Variants in MFSD6 observed in about 807,000 individuals in gnomAD.
MFSD6 encodes the protein major facilitator superfamily domain containing 6, also known as major facilitator superfamily domain-containing protein 6.
MFSD6 carries 26 observed loss-of-function variants against 56.3 expected under a neutral mutation model. The observed-to-expected ratio is 0.46, with a 90% confidence interval of 0.34 to 0.64. The LOEUF (loss-of-function observed/expected upper bound fraction) is 0.64, where lower values mean the gene tolerates loss of function less well. Ranked by LOEUF, MFSD6 falls within the 30% of genes least tolerant of loss-of-function variation. MFSD6 has a pLI of 0.01. For missense variants in MFSD6, 750 were observed against 986.2 expected (o/e 0.76, Z 3.21); for synonymous variants, 331 against 366.9 (o/e 0.90, Z 1.12).
chr2:190,492,008 C>T lies in MFSD6; in HGVS notation c.1891+2142C>T, dbSNP rs1689388988. 6.6e-6 allele frequency among the ~76,000 whole-genome samples: 1 copy of T among 152,106 alleles called. No homozygotes were observed. The highest frequency in any genetic ancestry group is 1.5e-5 in the Non-Finnish European group (1 of 68,006). On this transcript the variant is annotated intron_variant, in intron 6 of 7. Transcript: ENST00000392328. The surrounding 1 kb of genome is among the most constrained non-coding windows in gnomAD (Gnocchi z 5.2). ...AATAAAGGACACACTTACAGAAATG[C>T]AAAATGTTCTGGAAAGTCTCAGCAA...
rs1689794153 is a variant in MFSD6 at position 190,497,857 on chromosome 2, A to G, written c.2172+138A>G. On this transcript the variant is annotated intron_variant, in intron 7 of 7. Transcript: ENST00000392328. The surrounding 1 kb of genome is among the most constrained non-coding windows in gnomAD (Gnocchi z 5.2). ...GGGAAATAGACATGCAAACAATTTC[A>G]GTACTCTGTGAGCACTGAGTTAAAG... 2 of 1,018,578 alleles carry G rather than the reference A, an allele frequency of 2.0e-6. No homozygotes were observed. Among genetic ancestry groups the G allele is most frequent in the Non-Finnish European group, 2.8e-6 (2 of 706,194 alleles). 63.1% of individuals were successfully genotyped at this position (1,018,578 alleles called of 1,614,324 possible). A position where few individuals can be genotyped will look rare whatever the true frequency, so the allele number is the denominator to read the frequency against.
At chr2:190,476,744 C>G (rs192008626) in intron 4 of MFSD6, among the ~76,000 whole-genome samples, 24 of 152,206 alleles carry the variant, frequency 1.6e-4, no homozygotes, top group African/African-American at 5.3e-4. Context: ...GCTATAAAGA[C>G]ACATGCACAC....
chr2:190,477,871 A>G (rs1203267766), intron 4 of MFSD6, among the ~76,000 whole-genome samples: 1 of 152,164 alleles, frequency 6.6e-6, no homozygotes, highest in Non-Finnish European at 1.5e-5. Flanking sequence ...ATTCCCTACA[A>G]AAATCACATA....
intron 3 of MFSD6, among the ~76,000 whole-genome samples, chr2:190,455,596 G>A (rs562209804): frequency 4.6e-5 from 7 of 152,174 alleles, no homozygotes; most frequent in Admixed American, 2.0e-4. Context: ...TAATAACAAC[G>A]CTTATCCTTC....
chr2:190,448,297 A>G (rs1686655530), intron 3 of MFSD6, among the ~76,000 whole-genome samples: 1 of 152,198 alleles, frequency 6.6e-6, no homozygotes, highest in South Asian at 2.1e-4. Flanking sequence ...TAAAAATTAC[A>G]TTTTTTAGAT....
chr2:190,413,922 C>A lies in MFSD6; in HGVS notation c.-175-1370C>A, dbSNP rs1051197677. 6.6e-6 allele frequency among the ~76,000 whole-genome samples: 1 copy of A among 152,116 alleles called. No individual in the cohort carries two copies. Among genetic ancestry groups the A allele is most frequent in the African/African-American group, 2.4e-5 (1 of 41,400 alleles). Reference sequence around the variant, plus strand: ...GGCAGGAGTGGGTCCCTGTGAGTCACGCTGGGAATTCTTAACTGTTCAGGG... The same window carrying A: ...GGCAGGAGTGGGTCCCTGTGAGTCAAGCTGGGAATTCTTAACTGTTCAGGG... On this transcript the variant is annotated intron_variant, in intron 1 of 7. Coordinates refer to ENST00000392328, the MANE Select transcript of MFSD6 (RefSeq NM_017694.4). This position sits in a 1 kb window ranked among gnomAD's most constrained non-coding sequence, Gnocchi z 4.1.
chr2:190,469,939 C>T lies in MFSD6; in HGVS notation c.1630+84C>T. Reference sequence around the variant, plus strand: ...GCCCAGTGGCCTTCAGCATCTGATTCTATAAAGGAAGGGCAGGCCTACTGT... The same window carrying T: ...GCCCAGTGGCCTTCAGCATCTGATTTTATAAAGGAAGGGCAGGCCTACTGT... On this transcript the variant is annotated intron_variant, in intron 4 of 7. Coordinates refer to ENST00000392328, the MANE Select transcript of MFSD6 (RefSeq NM_017694.4). The surrounding 1 kb of genome is among the most constrained non-coding windows in gnomAD (Gnocchi z 5.3). 1 of 944,840 alleles carries T rather than the reference C, an allele frequency of 1.1e-6. No homozygotes were observed. The highest frequency in any genetic ancestry group is 1.6e-6 in the Non-Finnish European group (1 of 610,768). 58.5% of individuals were successfully genotyped at this position (944,840 alleles called of 1,614,324 possible). A position where few individuals can be genotyped will look rare whatever the true frequency, so the allele number is the denominator to read the frequency against.
At chr2:190,422,158 A>G (rs1685640823) in intron 2 of MFSD6, among the ~76,000 whole-genome samples, 1 of 152,028 alleles carries the variant, frequency 6.6e-6, no homozygotes, top group Admixed American at 6.6e-5. Flanking sequence ...CTTTCTCTGT[A>G]TTTATCAGTT....
intron 4 of MFSD6, among the ~76,000 whole-genome samples, chr2:190,483,143 C>T (rs998897825): frequency 4.0e-5 from 6 of 151,698 alleles, no homozygotes; most frequent in Admixed American, 1.3e-4. Context: ...CCACCCGCCT[C>T]GGCCTCCCAA....
At chr2:190,411,160 A>T (rs200670528) in intron 1 of MFSD6, 37 of 519,358 alleles carry the variant, frequency 7.1e-5, no homozygotes, top group African/African-American at 9.0e-5. Context: ...TGTTGACAGT[A>T]GTTTTTTTTT....
At position 190,458,880 on chromosome 2, in the gene MFSD6, T is replaced by C. The variant is rs945760253; in HGVS notation, c.1533-10878T>C. Among the ~76,000 whole-genome samples the C allele has an allele frequency of 6.6e-6, 1 of 152,190 alleles. No homozygotes were observed. Among genetic ancestry groups the C allele is most frequent in the Non-Finnish European group, 1.5e-5 (1 of 68,032 alleles). On this transcript the variant is annotated intron_variant, in intron 3 of 7. Transcript: ENST00000392328. The surrounding 1 kb of genome is among the most constrained non-coding windows in gnomAD (Gnocchi z 5.3). ...GTCTCCTTTTGGGCAGGCTTACTCA[T>C]AAGGCCTGCGCCAGAGGTCCCAGGC...
At chr2:190,428,597 TA>T (rs1685856286) in intron 2 of MFSD6, among the ~76,000 whole-genome samples, 1 of 152,244 alleles carries the variant, frequency 6.6e-6, no homozygotes, top group African/African-American at 2.4e-5. Flanking sequence ...TCAAAAATGC[TA>T]CAATGTGCAT....
At chr2:190,408,903 C>T (rs1690434491) in intron 1 of MFSD6, among the ~76,000 whole-genome samples, 1 of 152,130 alleles carries the variant, frequency 6.6e-6, no homozygotes, top group Non-Finnish European at 1.5e-5. Flanking sequence ...GGGTGAGCGC[C>T]GATGCCCGGG....
chr2:190,430,817 C>T (rs1246524721), intron 2 of MFSD6, among the ~76,000 whole-genome samples: 63 of 145,344 alleles, frequency 4.3e-4, no homozygotes, highest in African/African-American at 1.4e-3. Flanking sequence ...ACCTCCCTCC[C>T]GGACGGGGCG....
At chr2:190,452,405 A>T (rs1353732663) in intron 3 of MFSD6, among the ~76,000 whole-genome samples, 1 of 152,236 alleles carries the variant, frequency 6.6e-6, no homozygotes, top group East Asian at 1.9e-4. Flanking sequence ...ATCGTGCTAA[A>T]TGCTTTTCCT....
intron 4 of MFSD6, among the ~76,000 whole-genome samples, chr2:190,480,051 T>C (rs1389363339): frequency 6.6e-6 from 1 of 152,188 alleles, no homozygotes; most frequent in Non-Finnish European, 1.5e-5. Context: ...TGGTCCCAGC[T>C]ACTGGGGAGG....
chr2:190,484,959 CTGAGT>C (rs1291419328), intron 4 of MFSD6, among the ~76,000 whole-genome samples: 1 of 152,036 alleles, frequency 6.6e-6, no homozygotes, highest in Non-Finnish European at 1.5e-5. Context: ...ACTTAATTCC[CTGAGT>C]TAATTTAAAG....
rs10665730 is a variant in MFSD6 at position 190,450,488 on chromosome 2, C to CTTTTTTTTT, written c.1532+12940_1532+12948dup. On this transcript the variant is annotated intron_variant, in intron 3 of 7. Coordinates refer to ENST00000392328, the MANE Select transcript of MFSD6 (RefSeq NM_017694.4). ...CTAACTTTTTCTTTTTCTCTTTTTC[C>CTTTTTTTTT]TTTTTTTTTTTTTTTTTTTTTGAGA... Among the ~76,000 whole-genome samples the CTTTTTTTTT allele has an allele frequency of 4.4e-4, 43 of 97,254 alleles. 1 individual carries two copies. Among genetic ancestry groups the CTTTTTTTTT allele is most frequent in the South Asian group, 7.9e-4 (2 of 2,544 alleles). The allele number at this position is 97,254 out of a possible 152,430, so 63.8% of individuals were successfully genotyped here.
intron 2 of MFSD6, among the ~76,000 whole-genome samples, chr2:190,422,650 T>C (rs1685663324): frequency 6.6e-6 from 1 of 152,236 alleles, no homozygotes; most frequent in Admixed American, 6.5e-5. Context: ...TTTGTCCCAG[T>C]GTTCTGAAAC....
Sources: allele counts gnomAD v4.1 joint callset (sites outside exome capture counted in the v4.1 genomes callset), GRCh38; gene constraint gnomAD v4.1.1; non-coding constraint Gnocchi (gnomAD v3.1); transcripts MANE v1.5; gene names NCBI Gene and HGNC (gene_info 2026-07-23, HGNC 2026-07-21).